The following TLCD3B variants were observed in gnomAD, a reference collection of about 807,000 sequenced individuals.
TLCD3B encodes TLC domain containing 3B.
A neutral mutation model predicts 23.0 loss-of-function variants in TLCD3B; 9 were observed. The observed-to-expected ratio is 0.39, with a 90% CI of 0.24 to 0.68. The LOEUF (loss-of-function observed/expected upper bound fraction) is 0.68, where lower values mean the gene tolerates loss of function less well. TLCD3B is among the 30% of genes least tolerant of loss of function. The probability of loss-of-function intolerance (pLI) is 0.44; values close to 1 mark genes in which losing one functional copy is unlikely to be tolerated. For synonymous variants in TLCD3B, 161 were observed against 161.0 expected (o/e 1.00, Z 0.00); for missense variants, 307 against 371.8 (o/e 0.83, Z 1.43).
chr16:30,043,638 T>C (rs2071612391), intron 2 of TLCD3B, among the ~76,000 whole-genome samples: 1 of 152,152 alleles, frequency 6.6e-6, no homozygotes, highest in African/African-American at 2.4e-5. Context: ...TTGAACCAAG[T>C]AATCTGATTT....
rs892184046 is a variant in TLCD3B at position 30,036,402 on chromosome 16, C to G, written c.-66-188G>C. On this transcript the variant is annotated intron_variant, in intron 3 of 6. Coordinates refer to the TLCD3B transcript ENST00000561666. ...ATTTTTGTTTAGAAAGACCTCCCCT[C>G]CCATCTACTCTGGGGAGCAGAGGTG... is the stretch of plus-strand genomic sequence containing the variant. 18 of 1,284,728 alleles carry G rather than the reference C, an allele frequency of 1.4e-5. No individual in the cohort carries two copies. The African/African-American group carries it at 2.6e-4, about 19-fold the overall frequency. The allele number at this position is 1,284,728 out of a possible 1,614,324, so 79.6% of individuals were successfully genotyped here.
At chr16:30,037,183 A>C (rs2071490573) in intron 3 of TLCD3B, among the ~76,000 whole-genome samples, 1 of 151,702 alleles carries the variant, frequency 6.6e-6, no homozygotes, top group South Asian at 2.1e-4. Context: ...AGGTGGGAGG[A>C]TCACTTGAGG....
rs940797981 is a variant in TLCD3B at position 30,025,066 on chromosome 16, G to A, written c.*117C>T. 7 of 669,124 alleles carry A rather than the reference G, an allele frequency of 1.0e-5. No homozygotes were observed. Among genetic ancestry groups the A allele is most frequent in the South Asian group, 6.9e-5 (3 of 43,408 alleles). 41.4% of individuals were successfully genotyped at this position (669,124 alleles called of 1,614,324 possible). A position where few individuals can be genotyped will look rare whatever the true frequency, so the allele number is the denominator to read the frequency against. ...GGGCCTCTTCCCTTTCGGGGTCATC[G>A]TCAGTCCTGGGGTTGTCCGGGCAAG... On this transcript the variant is annotated 3_prime_UTR_variant, in exon 5 of 5. Coordinates refer to ENST00000380495, the MANE Select transcript of TLCD3B (RefSeq NM_031478.6). This position sits in a 1 kb window ranked among gnomAD's most constrained non-coding sequence, Gnocchi z 4.1.
chr16:30,028,130 T>G, intron 2 of TLCD3B, among the ~76,000 whole-genome samples: 2 of 150,518 alleles, frequency 1.3e-5, no homozygotes, highest in South Asian at 2.1e-4. Flanking sequence ...CCTGGAGGAG[T>G]CAGGGCAGGA....
chr16:30,045,352 G>GGTGTGT (rs201802930), intron 2 of TLCD3B, among the ~76,000 whole-genome samples: 2 of 143,222 alleles, frequency 1.4e-5, no homozygotes, highest in African/African-American at 5.1e-5. Context: ...TTGTGTGTGT[G>GGTGTGT]GTGTGTGTGT....
upstream of TLCD3B, among the ~76,000 whole-genome samples, chr16:30,032,167 C>G (rs564635635): frequency 6.6e-6 from 1 of 152,274 alleles, no homozygotes; most frequent in Admixed American, 6.5e-5. Context: ...GAAAGTGAGG[C>G]CTGGGGACTG....
At chr16:30,027,264 C>T in intron 2 of TLCD3B, 2 of 433,364 alleles carry the variant, frequency 4.6e-6, no homozygotes, top group Non-Finnish European at 9.3e-6. Flanking sequence ...AGAGAGAGGT[C>T]ACAGGGGTGG....
At chr16:30,047,737 G>T (rs2071695343) in intron 1 of TLCD3B, among the ~76,000 whole-genome samples, 1 of 151,696 alleles carries the variant, frequency 6.6e-6, no homozygotes, top group South Asian at 2.1e-4. Flanking sequence ...GGGATTACAG[G>T]TGTGAGCCAC....
chr16:30,038,215 G>A (rs1481471315), intron 3 of TLCD3B, among the ~76,000 whole-genome samples: 1 of 152,110 alleles, frequency 6.6e-6, no homozygotes, highest in Non-Finnish European at 1.5e-5. Context: ...TGTGAGGTTG[G>A]GTTAATAATT....
chr16:30,038,833 C>T (rs1417181514), intron 3 of TLCD3B, among the ~76,000 whole-genome samples: 2 of 152,086 alleles, frequency 1.3e-5, no homozygotes, highest in Admixed American at 6.6e-5. Flanking sequence ...TATTACTGCA[C>T]CTCTGTTTTA....
intron 3 of TLCD3B, among the ~76,000 whole-genome samples, chr16:30,040,052 T>C (rs1164028175): frequency 6.7e-6 from 1 of 149,354 alleles, no homozygotes; most frequent in Non-Finnish European, 1.5e-5. Context: ...GAGAATTGCT[T>C]GAACCCAGGA....
intron 2 of TLCD3B, among the ~76,000 whole-genome samples, chr16:30,043,563 G>A (rs1012920062): frequency 1.3e-5 from 2 of 152,088 alleles, no homozygotes; most frequent in African/African-American, 4.8e-5. Flanking sequence ...TGAGGAAATT[G>A]AGGCACAGAG....
At chr16:30,031,964 C>T (rs2071372115), upstream of TLCD3B, among the ~76,000 whole-genome samples, 1 of 152,078 alleles carries the variant, frequency 6.6e-6, no homozygotes, top group African/African-American at 2.4e-5. Context: ...CCAGGGAGCC[C>T]TAGGATGCCC....
rs2071581716 is a variant in TLCD3B at position 30,041,665 on chromosome 16, T to A, written c.-228-509A>T. ...TGAACCTGGGAGACAGAGCTTGCAGTGAGCCGAGATCACGCCACTGCACTC... is the reference window on the plus strand; with the variant it reads ...TGAACCTGGGAGACAGAGCTTGCAGAGAGCCGAGATCACGCCACTGCACTC... On this transcript the variant is annotated intron_variant, in intron 2 of 6. Coordinates refer to the TLCD3B transcript ENST00000561666. Among the ~76,000 whole-genome samples, 3 of 146,054 alleles carry A rather than the reference T, an allele frequency of 2.1e-5. No homozygotes were observed. The South Asian group carries it at 6.5e-4, about 32-fold the overall frequency.
chr16:30,030,164 G>T, intron 1 of TLCD3B: 1 of 1,476,658 alleles, frequency 6.8e-7, no homozygotes, highest in Non-Finnish European at 9.2e-7. Flanking sequence ...AGGGTGTACG[G>T]GGAAGAAGAG....
intron 2 of TLCD3B, among the ~76,000 whole-genome samples, chr16:30,043,420 G>A (rs910187160): frequency 1.3e-5 from 2 of 151,818 alleles, no homozygotes; most frequent in Admixed American, 1.3e-4. Context: ...TACAGATGGG[G>A]GTCTCGATTT....
intron 1 of TLCD3B, among the ~76,000 whole-genome samples, chr16:30,048,273 C>G (rs1428575491): frequency 6.6e-6 from 1 of 151,620 alleles, no homozygotes; most frequent in Non-Finnish European, 1.5e-5. Flanking sequence ...ACATGCATGT[C>G]TAATTTTTCT....
In TLCD3B at chr16:30,043,954, C is replaced by T. The variant is rs139577761; in HGVS notation, c.-229+2369G>A. Among the ~76,000 whole-genome samples the T allele has an allele frequency of 1.3e-4, 19 of 151,580 alleles. No individual in the cohort carries two copies. In the East Asian group the frequency reaches 3.1e-3, roughly 25 times the overall value. On this transcript the variant is annotated intron_variant, in intron 2 of 6. Transcript: ENST00000561666. ...GCCCGATCCTCCTGCCTCGGCCTCACAAAGTGCTGGGATTATAGGTGTGAA... is the reference window on the plus strand; with the variant it reads ...GCCCGATCCTCCTGCCTCGGCCTCATAAAGTGCTGGGATTATAGGTGTGAA...
chr16:30,025,671 C>G lies in TLCD3B; in HGVS notation c.540+55G>C. On this transcript the variant is annotated intron_variant, in intron 4 of 4. Coordinates refer to ENST00000380495, the MANE Select transcript of TLCD3B (RefSeq NM_031478.6). This position sits in a 1 kb window ranked among gnomAD's most constrained non-coding sequence, Gnocchi z 4.1. ...CCCTTGGCAGCAACCTTGAAGGTCC[C>G]TCCCCTTCCTGTGACCTCCCCATTG... 6.4e-7 allele frequency: 1 copy of G among 1,570,894 alleles called. No homozygotes were observed. The highest frequency in any genetic ancestry group is 8.8e-7 in the Non-Finnish European group (1 of 1,141,216).
Sources: allele counts gnomAD v4.1 joint callset (sites outside exome capture counted in the v4.1 genomes callset), GRCh38; gene constraint gnomAD v4.1.1; non-coding constraint Gnocchi (gnomAD v3.1); transcripts MANE v1.5; gene names NCBI Gene and HGNC (gene_info 2026-07-23, HGNC 2026-07-21).